NRXN3: variants seen among roughly 807,000 people sequenced by gnomAD.
The protein encoded by NRXN3 is neurexin 3, also known as neurexin III.
NRXN3 carries 32 observed loss-of-function variants against 137.6 expected under a neutral mutation model. The observed-to-expected ratio is 0.23, with a 90% confidence interval of 0.18 to 0.31. NRXN3 has a LOEUF of 0.31. Ranked by LOEUF, NRXN3 falls within the 10% of genes least tolerant of loss-of-function variation. NRXN3 has a pLI of 1.00. For synonymous variants in NRXN3, 798 were observed against 784.5 expected, an observed-to-expected ratio of 1.02 and a Z score of -0.29; for missense variants, 1,574 against 2,062.5, an observed-to-expected ratio of 0.76 and a Z score of 4.59.
At chr14:78,631,417 C>A (rs1053315493) in intron 4 of NRXN3, among the ~76,000 whole-genome samples, 3 of 152,194 alleles carry the variant, frequency 2.0e-5, no homozygotes, top group African/African-American at 4.8e-5. Context: ...GGATCTCCTA[C>A]CACAGTTGAG....
intron 15 of NRXN3, among the ~76,000 whole-genome samples, chr14:79,426,414 A>G (rs879938437): frequency 7.2e-5 from 11 of 152,162 alleles, no homozygotes; most frequent in Admixed American, 5.9e-4. Context: ...TTGACATTCA[A>G]TCAGAGAAAG....
At chr14:78,924,110 G>C (rs926915901) in intron 10 of NRXN3, among the ~76,000 whole-genome samples, 1 of 152,042 alleles carries the variant, frequency 6.6e-6, no homozygotes, top group Non-Finnish European at 1.5e-5. Flanking sequence ...TTAGCAGGGC[G>C]TGGTGGCACA....
chr14:79,449,756 G>A (rs1365425037), intron 15 of NRXN3, among the ~76,000 whole-genome samples: 2 of 152,102 alleles, frequency 1.3e-5, no homozygotes, highest in South Asian at 2.1e-4. Flanking sequence ...CTGGGAGGCC[G>A]AGGCGGGCGG....
chr14:78,315,034 C>G (rs1423278810), intron 4 of NRXN3, among the ~76,000 whole-genome samples: 2 of 145,490 alleles, frequency 1.4e-5, no homozygotes, highest in African/African-American at 2.6e-5. Flanking sequence ...TTTTTTGAGA[C>G]AGGGTCTTGC....
At chr14:79,211,635 A>G (rs1225955649) in intron 15 of NRXN3, among the ~76,000 whole-genome samples, 2 of 152,148 alleles carry the variant, frequency 1.3e-5, no homozygotes, top group Non-Finnish European at 2.9e-5. Flanking sequence ...ATCTGATTTT[A>G]AATCCTGTTC....
At chr14:79,257,617 C>CGTGGTGGT (rs2076968987) in intron 15 of NRXN3, among the ~76,000 whole-genome samples, 1 of 86,048 alleles carries the variant, frequency 1.2e-5, no homozygotes, top group African/African-American at 4.9e-5. Context: ...GTGGTGGTGA[C>CGTGGTGGT]GATGGTATTA....
chr14:78,528,684 C>T (rs1331088551), intron 4 of NRXN3, among the ~76,000 whole-genome samples: 1 of 152,088 alleles, frequency 6.6e-6, no homozygotes, highest in Non-Finnish European at 1.5e-5. Context: ...TATAGACTTC[C>T]ATAGGCAGAA....
At chr14:78,508,825 G>A (rs1046697137) in intron 4 of NRXN3, among the ~76,000 whole-genome samples, 3 of 151,880 alleles carry the variant, frequency 2.0e-5, no homozygotes, top group Non-Finnish European at 4.4e-5. Context: ...CACTTAAAAT[G>A]GTACATTTTA....
chr14:79,332,440 A>G (rs553990310), intron 15 of NRXN3, among the ~76,000 whole-genome samples: 170 of 152,308 alleles, frequency 1.1e-3, no homozygotes, highest in African/African-American at 3.9e-3. Flanking sequence ...TGTCGAGCTT[A>G]CGCACCTTTC....
chr14:78,394,141 AAC>A (rs2091153866), intron 4 of NRXN3, among the ~76,000 whole-genome samples: 1 of 152,006 alleles, frequency 6.6e-6, no homozygotes, highest in Non-Finnish European at 1.5e-5. Flanking sequence ...GTTGAATAAA[AAC>A]AGTGTGAGCA....
At chr14:78,420,613 G>A (rs1474988003) in intron 4 of NRXN3, among the ~76,000 whole-genome samples, 1 of 152,134 alleles carries the variant, frequency 6.6e-6, no homozygotes, top group African/African-American at 2.4e-5. Context: ...CAAAAGAAGA[G>A]CTATGAAATA....
chr14:78,884,767 C>T (rs1312715694), intron 10 of NRXN3, among the ~76,000 whole-genome samples: 1 of 152,130 alleles, frequency 6.6e-6, no homozygotes, highest in Non-Finnish European at 1.5e-5. Flanking sequence ...TGAAGCCAAA[C>T]AGCCTATGTC....
intron 4 of NRXN3, among the ~76,000 whole-genome samples, chr14:78,442,710 C>A (rs527310681): frequency 6.6e-6 from 1 of 152,162 alleles, no homozygotes; most frequent in Non-Finnish European, 1.5e-5. Flanking sequence ...CAATCCAAGT[C>A]CTGTTACTCC....
chr14:78,352,042 C>T (rs981514557), intron 4 of NRXN3, among the ~76,000 whole-genome samples: 2 of 149,508 alleles, frequency 1.3e-5, no homozygotes, highest in African/African-American at 4.9e-5. Flanking sequence ...GAACCGAGAT[C>T]GCACCACTGC....
chr14:79,824,824 T>C (rs1206053475), intron 20 of NRXN3, among the ~76,000 whole-genome samples: 1 of 152,234 alleles, frequency 6.6e-6, no homozygotes, highest in Non-Finnish European at 1.5e-5. Flanking sequence ...GTTAAAACTG[T>C]ATCATCATAT....
intron 4 of NRXN3, among the ~76,000 whole-genome samples, chr14:78,530,126 A>G (rs1437100151): frequency 6.6e-6 from 1 of 152,242 alleles, no homozygotes. Context: ...GATAAAAGAA[A>G]GAAAGAAAGA....
chr14:79,353,833 T>A (rs554284020), intron 15 of NRXN3, among the ~76,000 whole-genome samples: 5 of 152,280 alleles, frequency 3.3e-5, no homozygotes, highest in Admixed American at 6.5e-5. Flanking sequence ...CAGAGTGACC[T>A]TTATTTGATT....
intron 6 of NRXN3, among the ~76,000 whole-genome samples, chr14:78,689,558 T>TAA (rs574446092): frequency 1.1e-3 from 173 of 152,270 alleles, no homozygotes; most frequent in Non-Finnish European, 1.6e-3. Context: ...TACAAGAGAT[T>TAA]AAGACCACAA....
intron 15 of NRXN3, among the ~76,000 whole-genome samples, chr14:79,262,693 G>A (rs1568843851): frequency 6.6e-6 from 1 of 152,198 alleles, no homozygotes; most frequent in Non-Finnish European, 1.5e-5. Context: ...GAGGACAAAT[G>A]TGTACAAGGA....
Sources: gnomAD v4.1 joint callset for allele counts (sites outside exome capture counted in the v4.1 genomes callset) on GRCh38, gnomAD v4.1.1 for gene constraint, MANE v1.5 for transcripts, NCBI Gene and HGNC (gene_info 2026-07-23, HGNC 2026-07-21) for gene names.